BICC1: variants seen among roughly 807,000 people sequenced by gnomAD.
The protein encoded by BICC1 is protein bicaudal C homolog 1.
BICC1 carries 43 observed loss-of-function variants against 111.0 expected under a neutral mutation model. The ratio of observed to expected loss-of-function variants is 0.39; its 90% CI spans 0.30 to 0.50. BICC1 has a LOEUF of 0.50. Among genes scored for constraint, BICC1 ranks in the 20% least tolerant of loss-of-function variants. The probability of loss-of-function intolerance (pLI) is 0.88; values close to 1 mark genes in which losing one functional copy is unlikely to be tolerated. For synonymous variants in BICC1, 467 were observed against 434.4 expected (o/e 1.07, Z -0.93); for missense variants, 1,091 against 1,203.2 (o/e 0.91, Z 1.38).
chr10:58,706,363 G>T (rs1005377611), intron 3 of BICC1, among the ~76,000 whole-genome samples: 32 of 152,170 alleles, frequency 2.1e-4, no homozygotes, highest in African/African-American at 7.2e-4. Context: ...AAAATGATTT[G>T]CAATGAGCAT....
intron 2 of BICC1, among the ~76,000 whole-genome samples, chr10:58,653,332 C>A (rs1453066669): frequency 6.6e-6 from 1 of 152,082 alleles, no homozygotes; most frequent in Non-Finnish European, 1.5e-5. Flanking sequence ...AGAGATATTG[C>A]ATCATCTTGG....
At chr10:58,682,526 C>G (rs1402839495) in intron 2 of BICC1, among the ~76,000 whole-genome samples, 5 of 152,116 alleles carry the variant, frequency 3.3e-5, no homozygotes, top group African/African-American at 1.2e-4. Context: ...CTCTCCAGCA[C>G]CTGTTGTTTC....
intron 2 of BICC1, among the ~76,000 whole-genome samples, chr10:58,679,323 A>G (rs540256244): frequency 2.0e-5 from 3 of 152,194 alleles, no homozygotes; most frequent in Non-Finnish European, 2.9e-5. Context: ...AGAAGAATCA[A>G]ATAGACAAAA....
chr10:58,758,530 G>A (rs1453856750), intron 3 of BICC1, among the ~76,000 whole-genome samples: 3 of 152,184 alleles, frequency 2.0e-5, no homozygotes, highest in Non-Finnish European at 4.4e-5. Flanking sequence ...TGACAAAAAG[G>A]CAGTTCACTG....
intron 1 of BICC1, among the ~76,000 whole-genome samples, chr10:58,602,564 T>A (rs1214784015): frequency 3.9e-5 from 6 of 152,178 alleles, no homozygotes; most frequent in Non-Finnish European, 7.4e-5. Context: ...AACAAATGAT[T>A]CTTTTCAGAG....
intron 2 of BICC1, among the ~76,000 whole-genome samples, chr10:58,653,088 A>AT (rs1017237191): frequency 7.2e-5 from 11 of 152,156 alleles, no homozygotes; most frequent in Admixed American, 2.0e-4. Flanking sequence ...CTAATCATTG[A>AT]TTTTTTTATG....
intron 1 of BICC1, among the ~76,000 whole-genome samples, chr10:58,597,754 C>T (rs761475476): frequency 3.9e-5 from 6 of 151,946 alleles, no homozygotes; most frequent in South Asian, 2.1e-4. Flanking sequence ...AAGAATTTAG[C>T]GATACCTCTC....
At position 58,740,561 on chromosome 10, in the gene BICC1, G is replaced by A. The variant is rs527719355; in HGVS notation, c.307+38418G>A. Among the ~76,000 whole-genome samples the A allele has an allele frequency of 2.6e-5, 4 of 152,210 alleles. No homozygotes were observed. The South Asian group carries it at 8.3e-4, about 32-fold the overall frequency. ...GGGTGTATATATGTGTGTGTGTTTA[G>A]TCAAGAGTCATTATGGAGTGGCTTG... On this transcript the variant is annotated intron_variant, in intron 3 of 20. Coordinates refer to ENST00000373886, the MANE Select transcript of BICC1 (RefSeq NM_001080512.3).
intron 3 of BICC1, among the ~76,000 whole-genome samples, chr10:58,764,423 C>T (rs1842402152): frequency 6.6e-6 from 1 of 152,002 alleles, no homozygotes; most frequent in African/African-American, 2.4e-5. Context: ...CAGAAAGATA[C>T]ATATCAAGGA....
chr10:58,594,038 G>A (rs1328325389), intron 1 of BICC1, among the ~76,000 whole-genome samples: 1 of 151,830 alleles, frequency 6.6e-6, no homozygotes, highest in Non-Finnish European at 1.5e-5. Flanking sequence ...TAAATGACCT[G>A]CTGGAGCTGA....
At chr10:58,639,480 T>C (rs2132206532) in intron 2 of BICC1, among the ~76,000 whole-genome samples, 1 of 149,868 alleles carries the variant, frequency 6.7e-6, no homozygotes, top group Non-Finnish European at 1.5e-5. Context: ...CTGCAACCTC[T>C]GCCTCCTGGG....
In BICC1 at chr10:58,820,353, A is replaced by T; in HGVS notation, c.2695-16A>T. 3 of 1,570,524 alleles carry T rather than the reference A, an allele frequency of 1.9e-6. No homozygotes were observed. The highest frequency in any genetic ancestry group is 2.6e-6 in the Non-Finnish European group (3 of 1,141,360). On this transcript the variant is annotated splice_polypyrimidine_tract_variant and intron_variant, in intron 19 of 20. Coordinates refer to ENST00000373886, the MANE Select transcript of BICC1 (RefSeq NM_001080512.3). ...TAATTAATACATTGGTTATAGATTG[A>T]CCTTTCTACCCACAGATCGATCTTC...
At chr10:58,632,270 G>A (rs1837815260) in intron 2 of BICC1, among the ~76,000 whole-genome samples, 2 of 152,320 alleles carry the variant, frequency 1.3e-5, no homozygotes, top group African/African-American at 2.4e-5. Flanking sequence ...AAAGATGCTT[G>A]TAAGATGGTG....
intron 3 of BICC1, among the ~76,000 whole-genome samples, chr10:58,725,995 A>G (rs988000141): frequency 6.6e-6 from 1 of 152,174 alleles, no homozygotes. Context: ...TGTTAAGGCT[A>G]TTTCACTTAT....
At chr10:58,701,220 A>AT (rs200097498) in intron 2 of BICC1, among the ~76,000 whole-genome samples, 119 of 151,560 alleles carry the variant, frequency 7.9e-4, no homozygotes, top group Admixed American at 1.7e-3. Context: ...TTAATACATG[A>AT]TTTTTTTTTG....
chr10:58,536,297 A>G (rs1355756823), intron 1 of BICC1, among the ~76,000 whole-genome samples: 2 of 151,790 alleles, frequency 1.3e-5, no homozygotes, highest in African/African-American at 4.8e-5. Context: ...AGCACATGGA[A>G]CATTCTCCAA....
At chr10:58,763,144 G>A (rs1842365161) in intron 3 of BICC1, among the ~76,000 whole-genome samples, 1 of 152,088 alleles carries the variant, frequency 6.6e-6, no homozygotes, top group Non-Finnish European at 1.5e-5. Flanking sequence ...CTCAAAATGT[G>A]CACAAGATTG....
At chr10:58,648,960 A>G (rs565137015) in intron 2 of BICC1, among the ~76,000 whole-genome samples, 2 of 152,340 alleles carry the variant, frequency 1.3e-5, no homozygotes, top group East Asian at 1.9e-4. Flanking sequence ...ACTTGAAGGC[A>G]TACACTTCTC....
rs1388587933 is a variant in BICC1 at position 58,807,095 on chromosome 10, T to C, written c.2313T>C (p.Thr771=). ...TTTCTAAATCCATGCCAGCTGAAACTATCAAGGAGTTGAGAAGGGCCAATC... is the reference window on the plus strand; with the variant it reads ...TTTCTAAATCCATGCCAGCTGAAACCATCAAGGAGTTGAGAAGGGCCAATC... The part of the protein sequence containing the change: ...LGFSKSMPAE[T]IKELRRANHV... The change falls in exon 17 of 21, where the codon ACT becomes ACC. Residue 771 remains threonine, a synonymous_variant. Coordinates refer to ENST00000373886, the MANE Select transcript of BICC1 (RefSeq NM_001080512.3). 3 of 1,613,984 alleles carry C rather than the reference T, an allele frequency of 1.9e-6. No homozygotes were observed. In the East Asian group the frequency reaches 6.7e-5, roughly 36 times the overall value.
Sources: allele counts gnomAD v4.1 joint callset (sites outside exome capture counted in the v4.1 genomes callset), GRCh38; gene constraint gnomAD v4.1.1; transcripts MANE v1.5; gene names NCBI Gene and HGNC (gene_info 2026-07-23, HGNC 2026-07-21).